The following SETD4 variants were observed in gnomAD, a reference collection of about 807,000 sequenced individuals.
The protein encoded by SETD4 is SET domain containing 4, also known as SET domain-containing protein 4.
In SETD4, 46 loss-of-function variants were observed where a neutral mutation model predicts 58.3. That is an observed-to-expected ratio of 0.79 (90% CI 0.62 to 1.01). The LOEUF is 1.01. Ranked by LOEUF, SETD4 falls within the 50% of genes least tolerant of loss-of-function variation. The probability of loss-of-function intolerance (pLI) is 0.00; values close to 1 mark genes in which losing one functional copy is unlikely to be tolerated. For missense variants in SETD4, 490 were observed against 523.3 expected (o/e 0.94, Z 0.62); for synonymous variants, 190 against 202.6 (o/e 0.94, Z 0.53).
intron 2 of SETD4, 199 bp from the exon 3 acceptor site, chr21:36,057,403 G>A (rs1262546235): frequency 2.8e-6 from 2 of 716,692 alleles, no homozygotes; most frequent in Admixed American, 4.0e-5. Flanking sequence ...CCCAGCATTT[G>A]GGAGGCCAAG....
chr21:36,039,475 C>T (rs2063940236), intron 9 of SETD4, among the ~76,000 whole-genome samples: 1 of 152,096 alleles, frequency 6.6e-6, no homozygotes, highest in African/African-American at 2.4e-5. Flanking sequence ...ACCTTGTTGC[C>T]AGAAGGATTT....
intron 3 of SETD4, among the ~76,000 whole-genome samples, chr21:36,054,759 A>G (rs910202264): frequency 3.5e-5 from 5 of 143,336 alleles, no homozygotes; most frequent in African/African-American, 7.8e-5. Flanking sequence ...GTCTTCCATC[A>G]GCTTCCTGGC....
At chr21:36,055,840 T>C (rs1196220779) in intron 3 of SETD4, among the ~76,000 whole-genome samples, 3 of 152,142 alleles carry the variant, frequency 2.0e-5, no homozygotes, top group Non-Finnish European at 4.4e-5. Context: ...ATCTAAACCA[T>C]CTGCTGATTC....
Position 36,040,486 on chromosome 21 carries a change from T to C in SETD4, c.1064+89A>G, listed in dbSNP as rs2063994583. 5 of 1,122,270 alleles carry C rather than the reference T, an allele frequency of 4.5e-6. No individual in the cohort carries two copies. The South Asian group carries it at 5.0e-5, about 11-fold the overall frequency. The allele number at this position is 1,122,270 out of a possible 1,614,324, so 69.5% of individuals were successfully genotyped here. On this transcript the variant is annotated intron_variant, in intron 9 of 11. Coordinates refer to ENST00000332131, the MANE Select transcript of SETD4 (RefSeq NM_017438.5). ...CCTTTTTCCTCCCTGGCTGGGTATCTGAATGCAAGCCAAAAACAAACAAAC... is the reference window on the plus strand; with the variant it reads ...CCTTTTTCCTCCCTGGCTGGGTATCCGAATGCAAGCCAAAAACAAACAAAC...
chr21:36,041,695 G>A (rs758844820), intron 8 of SETD4, 112 bp downstream of exon 8: 16 of 687,908 alleles, frequency 2.3e-5, no homozygotes, highest in South Asian at 5.1e-5. Context: ...ATACCTACCC[G>A]TCAGCTGATA....
chr21:36,048,751 CTT>C (rs3087192), intron 4 of SETD4, among the ~76,000 whole-genome samples: 54,671 of 137,262 alleles, frequency 0.4, 10,483 homozygotes, highest in Admixed American at 0.46. Flanking sequence ...GAGTTTTGCT[CTT>C]GTCTCCCAGG....
At chr21:36,053,524 C>G (rs1013778946) in intron 4 of SETD4, 59 bp downstream of exon 4, 2 of 1,580,690 alleles carry the variant, frequency 1.3e-6, no homozygotes, top group South Asian at 2.2e-5. Context: ...TCGTTTGAAC[C>G]GCAAAAACAA....
rs1360025666 is a variant in SETD4, at chr21:36,048,067, GGGAGGGAA to G, written c.296+233_296+240del. On this transcript the variant is annotated intron_variant, in intron 5 of 11. Transcript: ENST00000332131. ...AGGAAGGAAGGAAGAGAGGGAGGGA[GGGAGGGAA>G]GGAGGGAAGGAGGGAGGGAGGGAGG... Among the ~76,000 whole-genome samples the G allele has an allele frequency of 9.9e-4, 143 of 144,844 alleles. 2 individuals are homozygous for G. The highest frequency in any genetic ancestry group is 2.8e-3 in the African/African-American group (110 of 38,722).
intron 4 of SETD4, chr21:36,050,701 G>T: frequency 6.2e-7 from 1 of 1,609,824 alleles, no homozygotes; most frequent in Non-Finnish European, 8.5e-7. Flanking sequence ...AATACGCGGG[G>T]TCATAGAGGT....
chr21:36,037,766 C>T (rs571436311), intron 10 of SETD4, among the ~76,000 whole-genome samples: 2 of 151,982 alleles, frequency 1.3e-5, no homozygotes, highest in East Asian at 2.0e-4. Context: ...GAGGCTGAGG[C>T]GGGTGGATCA....
intron 1 of SETD4, 67 bp from the exon 2 acceptor site, chr21:36,058,991 TC>T: frequency 6.9e-7 from 1 of 1,441,856 alleles, no homozygotes. Context: ...AAAAAACATT[TC>T]TTTGATTTAC....
chr21:36,057,662 A>G (rs1160942681), intron 2 of SETD4, among the ~76,000 whole-genome samples: 3 of 152,244 alleles, frequency 2.0e-5, no homozygotes, highest in African/African-American at 7.2e-5. Flanking sequence ...AAATGTAAAA[A>G]GCCTAGAATA....
At chr21:36,045,234 C>T (rs1204579407) in intron 6 of SETD4, among the ~76,000 whole-genome samples, 1 of 152,064 alleles carries the variant, frequency 6.6e-6, no homozygotes, top group Non-Finnish European at 1.5e-5. Flanking sequence ...TTAAAAGGGA[C>T]GGGGCAGGAA....
rs779272232 is a variant in SETD4, at chr21:36,057,219, G to A, written c.74-15C>T. On this transcript the variant is annotated splice_polypyrimidine_tract_variant and intron_variant, in intron 2 of 11. Transcript: ENST00000332131. ...GCTCTCATTCACTATCAGGCAAGGAGAGAACAAATGGTGATTAAAACCACT... is the reference window on the plus strand; with the variant it reads ...GCTCTCATTCACTATCAGGCAAGGAAAGAACAAATGGTGATTAAAACCACT... 7.6e-6 allele frequency: 12 copies of A among 1,588,384 alleles called. No individual in the cohort carries two copies. Among genetic ancestry groups the A allele is most frequent in the Non-Finnish European group, 6.9e-6 (8 of 1,156,478 alleles).
Position 36,036,089 on chromosome 21 carries a change from G to C in SETD4, c.*28C>G. 6.2e-7 allele frequency: 1 copy of C among 1,614,140 alleles called. No homozygotes were observed. Among genetic ancestry groups the C allele is most frequent in the Non-Finnish European group, 8.5e-7 (1 of 1,179,998 alleles). On this transcript the variant is annotated 3_prime_UTR_variant, in exon 11 of 12. Coordinates refer to ENST00000332131, the MANE Select transcript of SETD4 (RefSeq NM_017438.5). ...AAATGTGTGACTAACACCCACCAGA[G>C]GAGGTGACCAAATGCGCTTCGGTGA...
chr21:36,056,672 C>T (rs547238058), intron 3 of SETD4, among the ~76,000 whole-genome samples: 20 of 152,254 alleles, frequency 1.3e-4, no homozygotes, highest in Non-Finnish European at 2.8e-4. Context: ...AATCCTCCTG[C>T]CTAAGCCTCT....
intron 4 of SETD4, among the ~76,000 whole-genome samples, chr21:36,050,022 T>C (rs2064562808): frequency 6.6e-6 from 1 of 152,204 alleles, no homozygotes; most frequent in South Asian, 2.1e-4. Flanking sequence ...TTATGTTAGA[T>C]GAGCTTCCGG....
At chr21:36,053,448 C>T (rs893707229) in intron 4 of SETD4, 135 bp downstream of exon 4, 2 of 859,658 alleles carry the variant, frequency 2.3e-6, no homozygotes, top group Admixed American at 2.1e-5. Flanking sequence ...TTGATAGAAC[C>T]ATATTCAAAT....
chr21:36,053,926 A>G (rs1344278480), intron 3 of SETD4, among the ~76,000 whole-genome samples: 1 of 152,160 alleles, frequency 6.6e-6, no homozygotes, highest in Admixed American at 6.5e-5. Context: ...GACTCTCTCC[A>G]CTGGGGCCTA....
Sources: gnomAD v4.1 joint callset for allele counts (sites outside exome capture counted in the v4.1 genomes callset) on GRCh38, gnomAD v4.1.1 for gene constraint, MANE v1.5 for transcripts, NCBI Gene and HGNC (gene_info 2026-07-23, HGNC 2026-07-21) for gene names.